Variants in NTRK2 observed in about 807,000 individuals in gnomAD.
The protein encoded by NTRK2 is neurotrophic receptor tyrosine kinase 2, also known as BDNF/NT-3 growth factors receptor.
In NTRK2, 13 loss-of-function variants were observed where a neutral mutation model predicts 94.5. The observed-to-expected ratio is 0.14, with a 90% CI of 0.09 to 0.22. The LOEUF is 0.22. NTRK2 is among the 10% of genes least tolerant of loss of function. The pLI is 1.00. For synonymous variants in NTRK2, 372 were observed against 407.4 expected (o/e 0.91, Z 1.05); for missense variants, 639 against 1,071.2 (o/e 0.60, Z 5.63).
chr9:84,751,513 C>T (rs948520912), intron 11 of NTRK2, among the ~76,000 whole-genome samples: 4 of 152,134 alleles, frequency 2.6e-5, no homozygotes, highest in South Asian at 4.2e-4. Context: ...CCCAGGAGGT[C>T]GAAGCTGCAG....
chr9:84,723,587 A>G lies in NTRK2; in HGVS notation c.598A>G (p.Asn200Asp). ...TTGTTCCATAGGTTTGCCATCTGCAAATCTGGCCGCACCTAACCTCACTGT... is the reference window on the plus strand; with the variant it reads ...TTGTTCCATAGGTTTGCCATCTGCAGATCTGGCCGCACCTAACCTCACTGT... ...QIPNCGLPSA[N>D]LAAPNLTVEE... The change falls in exon 7 of 19, where the codon AAT becomes GAT. Residue 200 changes from asparagine to aspartate, a missense_variant. Physicochemically the swap from Asn to Asp is conservative, Grantham distance 23. Around this residue, in one of 5 missense-constraint regions of NTRK2, gnomAD observed 206 missense variants for 251.5 expected, o/e 0.82. Transcript: ENST00000277120. 1 of 1,614,110 alleles carries G rather than the reference A, an allele frequency of 6.2e-7. No individual in the cohort carries two copies. Among genetic ancestry groups the G allele is most frequent in the Non-Finnish European group, 8.5e-7 (1 of 1,179,966 alleles).
intron 15 of NTRK2, among the ~76,000 whole-genome samples, chr9:84,947,695 A>G (rs1483152979): frequency 1.3e-5 from 2 of 152,326 alleles, no homozygotes; most frequent in Non-Finnish European, 2.9e-5. Flanking sequence ...ATTTGCCCAT[A>G]AGTGCCTGAG....
intron 15 of NTRK2, among the ~76,000 whole-genome samples, chr9:84,942,638 T>C (rs963692692): frequency 2.0e-5 from 3 of 152,180 alleles, no homozygotes; most frequent in African/African-American, 7.2e-5. Flanking sequence ...AAAAGAAACA[T>C]ATGAAACTTA....
intron 12 of NTRK2, among the ~76,000 whole-genome samples, chr9:84,794,748 G>A (rs1251104698): frequency 6.6e-6 from 1 of 152,136 alleles, no homozygotes; most frequent in African/African-American, 2.4e-5. Flanking sequence ...AAGGGACTTT[G>A]GGAGTCTAGG....
At chr9:84,713,693 AC>A (rs1333353490) in intron 6 of NTRK2, among the ~76,000 whole-genome samples, 1 of 152,118 alleles carries the variant, frequency 6.6e-6, no homozygotes, top group Non-Finnish European at 1.5e-5. Flanking sequence ...AGGCTCAAAA[AC>A]TGAGAACTTT....
chr9:84,873,122 A>T, intron 14 of NTRK2: 1 of 1,064,456 alleles, frequency 9.4e-7, no homozygotes, highest in Non-Finnish European at 1.1e-6. Flanking sequence ...CAATCGAATG[A>T]CCATGGTCCA....
At chr9:84,801,581 T>A (rs2070460069) in intron 12 of NTRK2, among the ~76,000 whole-genome samples, 1 of 152,198 alleles carries the variant, frequency 6.6e-6, no homozygotes, top group South Asian at 2.1e-4. Context: ...ACTGAGACCC[T>A]ACAAGGTTTT....
At chr9:84,812,322 C>T in intron 12 of NTRK2, 2 of 1,058,096 alleles carry the variant, frequency 1.9e-6, no homozygotes, top group Non-Finnish European at 2.3e-6. Flanking sequence ...TGGATTGCAG[C>T]ATTTCACTTG....
At chr9:84,713,887 T>G (rs923922470) in intron 6 of NTRK2, among the ~76,000 whole-genome samples, 32 of 124,484 alleles carry the variant, frequency 2.6e-4, no homozygotes, top group African/African-American at 8.8e-4. Flanking sequence ...TAGATGTGGG[T>G]TTTTTTTTTT....
At chr9:84,684,228 G>A (rs758580651) in intron 2 of NTRK2, among the ~76,000 whole-genome samples, 12 of 152,076 alleles carry the variant, frequency 7.9e-5, no homozygotes, top group Admixed American at 4.6e-4. Flanking sequence ...TTTGGCTTTC[G>A]TTGCAATTGC....
chr9:84,976,045 C>T (rs1826815827), intron 17 of NTRK2, among the ~76,000 whole-genome samples: 1 of 152,158 alleles, frequency 6.6e-6, no homozygotes, highest in Non-Finnish European at 1.5e-5. Context: ...CCTATGATGA[C>T]TCCACACCTA....
intron 12 of NTRK2, among the ~76,000 whole-genome samples, chr9:84,845,736 C>T (rs1328036968): frequency 1.3e-5 from 2 of 151,968 alleles, no homozygotes; most frequent in Admixed American, 1.3e-4. Context: ...CGAAAACATA[C>T]AGAGTGATAT....
chr9:84,931,479 A>G lies in NTRK2; in HGVS notation c.1634-2683A>G, dbSNP rs551447386. 3.3e-5 allele frequency among the ~76,000 whole-genome samples: 5 copies of G among 152,254 alleles called. No individual in the cohort carries two copies. The South Asian group carries it at 8.3e-4, about 25-fold the overall frequency. ...AGAGAGAATACATTGGCAAAAGGAC[A>G]CTGCTCAGATTATCGGTGCCCCAAA... On this transcript the variant is annotated intron_variant, in intron 14 of 18. Transcript: ENST00000277120.
At chr9:84,770,324 CTG>C (rs1417311126) in intron 12 of NTRK2, among the ~76,000 whole-genome samples, 4 of 152,260 alleles carry the variant, frequency 2.6e-5, no homozygotes, top group African/African-American at 9.6e-5. Flanking sequence ...TGGGCAAACT[CTG>C]TGGTATAATT....
chr9:84,774,397 T>C (rs539751432), intron 12 of NTRK2, among the ~76,000 whole-genome samples: 1 of 152,228 alleles, frequency 6.6e-6, no homozygotes, highest in Non-Finnish European at 1.5e-5. Flanking sequence ...TGGCACTTCA[T>C]GTACTTTGTC....
Position 84,670,930 on chromosome 9 carries a change from A to G in NTRK2, c.182A>G (p.Asn61Ser). 2 of 1,607,600 alleles carry G rather than the reference A, an allele frequency of 1.2e-6. No homozygotes were observed. Among genetic ancestry groups the G allele is most frequent in the Non-Finnish European group, 1.7e-6 (2 of 1,179,972 alleles). Residue 61 changes from asparagine to serine, a missense_variant, in exon 2 of 19, where the codon AAC (asparagine) becomes AGC (serine). Transcript: ENST00000277120. Reference sequence around the variant, plus strand: ...GTGGCATTTCCGAGATTGGAGCCTAACAGTGTAGATCCTGAGAACATCACC... The same window carrying G: ...GTGGCATTTCCGAGATTGGAGCCTAGCAGTGTAGATCCTGAGAACATCACC... ...GIVAFPRLEP[N>S]SVDPENITEI...
chr9:85,005,286 G>A (rs1405279649), intron 17 of NTRK2, among the ~76,000 whole-genome samples: 1 of 152,156 alleles, frequency 6.6e-6, no homozygotes, highest in Non-Finnish European at 1.5e-5. Flanking sequence ...GGTGGACTTG[G>A]GGAAGTGATG....
At position 84,903,678 on chromosome 9, in the gene NTRK2, C is replaced by T. The variant is rs143490206; in HGVS notation, c.1634-30484C>T. Among the ~76,000 whole-genome samples, 1,415 of 152,056 alleles carry T rather than the reference C, an allele frequency of 9.3e-3. 22 individuals carry two copies. Among genetic ancestry groups the T allele is most frequent in the African/African-American group, 0.033 (1,357 of 41,480 alleles). ...TCTCTATTCTTTTCTTTTCTCATTTCTTCCTTCTTTTCTTTTTTCCTTCCT... is the reference window on the plus strand; with the variant it reads ...TCTCTATTCTTTTCTTTTCTCATTTTTTCCTTCTTTTCTTTTTTCCTTCCT... On this transcript the variant is annotated intron_variant, in intron 14 of 18. Transcript: ENST00000277120.
At chr9:84,848,864 A>T (rs916366452) in intron 12 of NTRK2, among the ~76,000 whole-genome samples, 7 of 152,228 alleles carry the variant, frequency 4.6e-5, no homozygotes, top group African/African-American at 1.7e-4. Flanking sequence ...AATATGAGAC[A>T]TCATCTTTGG....
Sources: allele counts gnomAD v4.1 joint callset (sites outside exome capture counted in the v4.1 genomes callset), GRCh38; gene constraint gnomAD v4.1.1; regional missense constraint gnomAD v4.1.1; transcripts MANE v1.5; gene names NCBI Gene and HGNC (gene_info 2026-07-23, HGNC 2026-07-21).